Variants in EHBP1 observed in about 807,000 individuals in gnomAD.
EHBP1 encodes the protein EH domain binding protein 1, also known as EH domain-binding protein 1.
Under a neutral mutation model 144.0 loss-of-function variants are expected in EHBP1, and 55 were observed. The ratio of observed to expected loss-of-function variants is 0.38; its 90% CI spans 0.31 to 0.48. The LOEUF (loss-of-function observed/expected upper bound fraction) is 0.48. EHBP1 is among the 20% of genes least tolerant of loss of function. The pLI is 0.98. For missense variants in EHBP1, 1,200 were observed against 1,364.2 expected, an observed-to-expected ratio of 0.88 and a Z score of 1.90; for synonymous variants, 469 against 472.7, an observed-to-expected ratio of 0.99 and a Z score of 0.10.
At chr2:62,854,195 G>T (rs1358973268) in intron 7 of EHBP1, among the ~76,000 whole-genome samples, 1 of 152,168 alleles carries the variant, frequency 6.6e-6, no homozygotes, top group Non-Finnish European at 1.5e-5. Flanking sequence ...CTTGCTCTGG[G>T]TTAGGATTTG....
At chr2:62,878,402 A>C (rs2051075707) in intron 10 of EHBP1, among the ~76,000 whole-genome samples, 1 of 152,188 alleles carries the variant, frequency 6.6e-6, no homozygotes, top group African/African-American at 2.4e-5. Flanking sequence ...AAGAGCTGAT[A>C]ACCAATCCTA....
At chr2:62,894,044 C>CAA (rs146913575) in intron 10 of EHBP1, among the ~76,000 whole-genome samples, 8 of 96,208 alleles carry the variant, frequency 8.3e-5, no homozygotes, top group Non-Finnish European at 6.3e-5. Flanking sequence ...GACTCCGTCT[C>CAA]AAAAAAAAAA....
intron 10 of EHBP1, among the ~76,000 whole-genome samples, chr2:62,921,017 C>A (rs1016298745): frequency 6.6e-6 from 1 of 152,094 alleles, no homozygotes; most frequent in African/African-American, 2.4e-5. Context: ...TTTGGATAAA[C>A]AGTGTGTAAA....
chr2:62,737,851 A>T (rs2038304085), intron 2 of EHBP1, among the ~76,000 whole-genome samples: 2 of 151,820 alleles, frequency 1.3e-5, no homozygotes, highest in South Asian at 2.1e-4. Flanking sequence ...GTAACCTTAA[A>T]CTCCTGGGCT....
chr2:62,868,654 T>TA (rs112718818), intron 9 of EHBP1, among the ~76,000 whole-genome samples: 99,622 of 151,504 alleles, frequency 0.66, 32,826 homozygotes, highest in East Asian at 0.73. Flanking sequence ...AACTCAGTAA[T>TA]AAGAAAGGGG....
chr2:62,917,096 G>T (rs957258286), intron 10 of EHBP1, among the ~76,000 whole-genome samples: 1 of 152,070 alleles, frequency 6.6e-6, no homozygotes, highest in African/African-American at 2.4e-5. Context: ...TGTACTACAC[G>T]ACTAGGTTAT....
intron 1 of EHBP1, among the ~76,000 whole-genome samples, chr2:62,685,074 A>G (rs890335268): frequency 6.6e-6 from 1 of 152,200 alleles, no homozygotes; most frequent in Non-Finnish European, 1.5e-5. Flanking sequence ...GATAGAAGGA[A>G]TAAGTTTGAT....
intron 5 of EHBP1, among the ~76,000 whole-genome samples, chr2:62,810,862 C>G (rs928665125): frequency 6.6e-6 from 1 of 152,098 alleles, no homozygotes; most frequent in African/African-American, 2.4e-5. Flanking sequence ...TTGTTGCTTT[C>G]TTTTGGGAAC....
At chr2:62,709,808 A>G (rs1024130612) in intron 2 of EHBP1, among the ~76,000 whole-genome samples, 26 of 152,066 alleles carry the variant, frequency 1.7e-4, no homozygotes, top group African/African-American at 6.3e-4. Context: ...ACTTACATCT[A>G]GAACTTAATA....
intron 2 of EHBP1, among the ~76,000 whole-genome samples, chr2:62,731,434 C>G (rs1351248198): frequency 6.6e-6 from 1 of 152,134 alleles, no homozygotes; most frequent in African/African-American, 2.4e-5. Flanking sequence ...CTAGGACTTC[C>G]AGAATGATTT....
chr2:62,883,218 G>A (rs1295822613), intron 10 of EHBP1, among the ~76,000 whole-genome samples: 1 of 152,152 alleles, frequency 6.6e-6, no homozygotes, highest in African/African-American at 2.4e-5. Context: ...CTAGAGAGAG[G>A]TATTTCTGGT....
intron 9 of EHBP1, among the ~76,000 whole-genome samples, chr2:62,873,611 C>T (rs1048198935): frequency 2.0e-5 from 3 of 152,038 alleles, no homozygotes; most frequent in Non-Finnish European, 4.4e-5. Context: ...TCTTCAGACT[C>T]AGGAAATACA....
At chr2:62,904,095 A>C (rs2053621523) in intron 10 of EHBP1, among the ~76,000 whole-genome samples, 1 of 152,240 alleles carries the variant, frequency 6.6e-6, no homozygotes, top group South Asian at 2.1e-4. Context: ...TAACCATAAA[A>C]TATGATATAG....
At chr2:62,764,917 T>C (rs1414812075) in intron 4 of EHBP1, among the ~76,000 whole-genome samples, 1 of 152,108 alleles carries the variant, frequency 6.6e-6, no homozygotes, top group Non-Finnish European at 1.5e-5. Flanking sequence ...TTTTCTGTGA[T>C]TTAACCAAAA....
chr2:62,914,378 A>G (rs953443607), intron 10 of EHBP1, among the ~76,000 whole-genome samples: 2 of 152,078 alleles, frequency 1.3e-5, no homozygotes, highest in Non-Finnish European at 2.9e-5. Flanking sequence ...TTGGGGGGAG[A>G]AAAACAGGAA....
At chr2:62,890,689 G>GATAGT (rs2052385449) in intron 10 of EHBP1, among the ~76,000 whole-genome samples, 1 of 152,176 alleles carries the variant, frequency 6.6e-6, no homozygotes, top group Non-Finnish European at 1.5e-5. Context: ...TGCATACAGG[G>GATAGT]ATAGTATAAC....
intron 1 of EHBP1, among the ~76,000 whole-genome samples, chr2:62,687,814 G>T (rs1269576924): frequency 6.6e-6 from 1 of 152,170 alleles, no homozygotes; most frequent in Non-Finnish European, 1.5e-5. Flanking sequence ...AAGAGTTAGT[G>T]TGTCCTTATA....
At chr2:63,008,308 C>T (rs1361582198) in intron 19 of EHBP1, among the ~76,000 whole-genome samples, 3 of 151,422 alleles carry the variant, frequency 2.0e-5, no homozygotes, top group Non-Finnish European at 4.4e-5. Flanking sequence ...AATGCTTTTT[C>T]CCAGAAAGCA....
intron 5 of EHBP1, among the ~76,000 whole-genome samples, chr2:62,821,045 A>T (rs2045947025): frequency 6.6e-6 from 1 of 151,820 alleles, no homozygotes; most frequent in Non-Finnish European, 1.5e-5. Flanking sequence ...TAATGCCATT[A>T]GTTTAATTTT....
Sources: gnomAD v4.1 joint callset for allele counts (sites outside exome capture counted in the v4.1 genomes callset) on GRCh38, gnomAD v4.1.1 for gene constraint, MANE v1.5 for transcripts, NCBI Gene and HGNC (gene_info 2026-07-23, HGNC 2026-07-21) for gene names.